Variants in PTPRR observed in about 807,000 individuals in gnomAD.
PTPRR encodes protein tyrosine phosphatase receptor type R, also known as receptor-type tyrosine-protein phosphatase R.
In PTPRR, 38 loss-of-function variants were observed where a neutral mutation model predicts 77.2. The observed-to-expected ratio is 0.49, with a 90% CI of 0.38 to 0.65. PTPRR has a LOEUF of 0.65. PTPRR is among the 30% of genes least tolerant of loss of function. The pLI, the probability that PTPRR is intolerant of heterozygous loss-of-function variation, is 0.00. For missense variants in PTPRR, 744 were observed against 799.2 expected, an observed-to-expected ratio of 0.93 and a Z score of 0.83; for synonymous variants, 299 against 283.1, an observed-to-expected ratio of 1.06 and a Z score of -0.57.
At chr12:70,914,928 G>A (rs928762695) in intron 1 of PTPRR, among the ~76,000 whole-genome samples, 2 of 152,172 alleles carry the variant, frequency 1.3e-5, no homozygotes, top group African/African-American at 2.4e-5. Flanking sequence ...GTTCAGGGGA[G>A]ATAACTGAGA....
chr12:70,765,876 C>T (rs181256149), intron 2 of PTPRR, among the ~76,000 whole-genome samples: 39 of 152,338 alleles, frequency 2.6e-4, no homozygotes, highest in African/African-American at 8.9e-4. Flanking sequence ...TGTTCTGCAG[C>T]CACCGCTGCT....
chr12:70,756,718 C>T (rs1043423047), intron 4 of PTPRR, among the ~76,000 whole-genome samples: 3 of 152,120 alleles, frequency 2.0e-5, no homozygotes, highest in African/African-American at 4.8e-5. Context: ...ACAATGGCTT[C>T]TCTATATCCT....
At chr12:70,813,602 T>A (rs1311684536) in intron 2 of PTPRR, among the ~76,000 whole-genome samples, 1 of 152,058 alleles carries the variant, frequency 6.6e-6, no homozygotes, top group Non-Finnish European at 1.5e-5. Context: ...CTAGACCAAA[T>A]ATGTGAAGCA....
intron 1 of PTPRR, among the ~76,000 whole-genome samples, chr12:70,895,912 C>T (rs191401212): frequency 2.2e-3 from 339 of 151,798 alleles, no homozygotes; most frequent in African/African-American, 7.8e-3. Context: ...AATTCTAAAG[C>T]AGCCAACAAT....
chr12:70,826,842 A>G (rs1310050655), intron 2 of PTPRR, among the ~76,000 whole-genome samples: 2 of 152,112 alleles, frequency 1.3e-5, no homozygotes, highest in African/African-American at 2.4e-5. Context: ...TCAAGGCTCT[A>G]TTGGATCTGA....
intron 2 of PTPRR, among the ~76,000 whole-genome samples, chr12:70,820,341 T>C (rs1203404074): frequency 6.6e-6 from 1 of 152,180 alleles, no homozygotes; most frequent in Non-Finnish European, 1.5e-5. Flanking sequence ...TTTTTTCTTT[T>C]TTTGGTGAGA....
At chr12:70,782,245 G>A (rs1336801871) in intron 2 of PTPRR, among the ~76,000 whole-genome samples, 6 of 152,004 alleles carry the variant, frequency 3.9e-5, no homozygotes, top group Admixed American at 3.9e-4. Context: ...GATGTTGCAG[G>A]TAGGTGAGCG....
intron 8 of PTPRR, among the ~76,000 whole-genome samples, chr12:70,687,389 AGCTATAAGGGATCTG>A (rs1168958866): frequency 6.6e-6 from 1 of 151,672 alleles, no homozygotes; most frequent in Non-Finnish European, 1.5e-5. Flanking sequence ...AGTAGATTTG[AGCTATAAGGGATCTG>A]GCTTTGGCAG....
chr12:70,842,984 A>C (rs1892422058), intron 2 of PTPRR, among the ~76,000 whole-genome samples: 1 of 152,194 alleles, frequency 6.6e-6, no homozygotes, highest in Non-Finnish European at 1.5e-5. Flanking sequence ...CACTACTTAG[A>C]TATCTTAAGA....
At chr12:70,658,716 A>G (rs2136667842) in intron 12 of PTPRR, among the ~76,000 whole-genome samples, 1 of 151,574 alleles carries the variant, frequency 6.6e-6, no homozygotes, top group East Asian at 1.9e-4. Flanking sequence ...GGTTTGAAAT[A>G]CATCCTTTTT....
At chr12:70,654,000 G>A (rs1224774264) in intron 13 of PTPRR, among the ~76,000 whole-genome samples, 5 of 152,178 alleles carry the variant, frequency 3.3e-5, no homozygotes, top group African/African-American at 4.8e-5. Context: ...TGTCTAAAAA[G>A]GAGACAAGAA....
chr12:70,848,265 C>T (rs1195827771), intron 2 of PTPRR, among the ~76,000 whole-genome samples: 2 of 152,182 alleles, frequency 1.3e-5, no homozygotes, highest in South Asian at 4.1e-4. Flanking sequence ...GGTTCTATGA[C>T]CAATTTTTAT....
chr12:70,852,969 C>A (rs748313295), intron 2 of PTPRR, among the ~76,000 whole-genome samples: 1 of 152,160 alleles, frequency 6.6e-6, no homozygotes, highest in Non-Finnish European at 1.5e-5. Flanking sequence ...GGGAGATTAC[C>A]GTGGCAAATT....
At chr12:70,900,072 A>C (rs1893504742) in intron 1 of PTPRR, among the ~76,000 whole-genome samples, 1 of 151,710 alleles carries the variant, frequency 6.6e-6, no homozygotes, top group Admixed American at 6.6e-5. Context: ...ATGAATTAGA[A>C]GACTCTACAT....
intron 2 of PTPRR, among the ~76,000 whole-genome samples, chr12:70,875,115 C>CATGAAGT (rs2137096657): frequency 6.6e-6 from 1 of 151,866 alleles, no homozygotes; most frequent in East Asian, 1.9e-4. Context: ...ATAACCATAC[C>CATGAAGT]ATGAAGTAAT....
intron 10 of PTPRR, among the ~76,000 whole-genome samples, chr12:70,678,502 T>G: frequency 6.6e-6 from 1 of 152,210 alleles, no homozygotes; most frequent in East Asian, 1.9e-4. Flanking sequence ...CCATAGTCTT[T>G]TATAATTCTT....
At chr12:70,669,211 T>C (rs2136691600) in intron 10 of PTPRR, among the ~76,000 whole-genome samples, 1 of 152,176 alleles carries the variant, frequency 6.6e-6, no homozygotes, top group South Asian at 2.1e-4. Context: ...TTCTCCAGAG[T>C]ACCCTTATTT....
chr12:70,743,714 A>G (rs1890124083), intron 6 of PTPRR, among the ~76,000 whole-genome samples: 1 of 152,190 alleles, frequency 6.6e-6, no homozygotes, highest in Non-Finnish European at 1.5e-5. Flanking sequence ...TTGCTCTGCT[A>G]GAATCCCCCA....
intron 1 of PTPRR, among the ~76,000 whole-genome samples, chr12:70,909,847 G>C (rs76874894): frequency 3.4e-4 from 52 of 152,330 alleles, no homozygotes; most frequent in African/African-American, 1.2e-3. Flanking sequence ...AAGGTTGCCC[G>C]TGGTGGCAGT....
Sources: gnomAD v4.1 joint callset for allele counts (sites outside exome capture counted in the v4.1 genomes callset) on GRCh38, gnomAD v4.1.1 for gene constraint, MANE v1.5 for transcripts, NCBI Gene and HGNC (gene_info 2026-07-23, HGNC 2026-07-21) for gene names.